Variants in INSL6 observed in about 807,000 individuals in gnomAD.
INSL6 encodes insulin like 6.
In INSL6, 16 loss-of-function variants were observed where a neutral mutation model predicts 9.4. That is an observed-to-expected ratio of 1.70 (90% CI 1.15 to 2.59). The LOEUF (loss-of-function observed/expected upper bound fraction) is 2.59, where lower values mean the gene tolerates loss of function less well. INSL6 is among the 30% of genes most tolerant of loss of function. The pLI is 0.00. For synonymous variants in INSL6, 154 were observed against 96.9 expected (o/e 1.59, Z -3.46); for missense variants, 391 against 257.3 (o/e 1.52, Z -3.56).
At chr9:4,996,549 A>G in the INSL6 span, among the ~76,000 whole-genome samples, 1 of 151,556 alleles carries the variant, frequency 6.6e-6, no homozygotes, top group Non-Finnish European at 1.5e-5. Context: ...TAAATACATG[A>G]GGTATTGTAG....
chr9:5,156,095 T>G (rs911511655), intron 2 of INSL6, among the ~76,000 whole-genome samples: 1 of 151,842 alleles, frequency 6.6e-6, no homozygotes, highest in Non-Finnish European at 1.5e-5. Context: ...TTTATGCCAA[T>G]AAATATGACT....
At chr9:5,077,595 C>G in the INSL6 span, 2 of 1,445,574 alleles carry the variant, frequency 1.4e-6, no homozygotes, top group East Asian at 2.7e-5. Flanking sequence ...GTAGTACAAC[C>G]TTTTTATCAA....
chr9:5,179,332 G>A (rs145106369), intron 1 of INSL6, among the ~76,000 whole-genome samples: 2 of 152,210 alleles, frequency 1.3e-5, no homozygotes, highest in African/African-American at 2.4e-5. Flanking sequence ...CAGTCAGAAT[G>A]GCTATTATTA....
At chr9:5,009,180 G>T in the INSL6 span, among the ~76,000 whole-genome samples, 17 of 152,198 alleles carry the variant, frequency 1.1e-4, no homozygotes, top group Non-Finnish European at 2.5e-4. Flanking sequence ...GAGCAAATTG[G>T]GTGGTCCGAG....
chr9:5,074,759 A>G, the INSL6 span, among the ~76,000 whole-genome samples: 1 of 152,242 alleles, frequency 6.6e-6, no homozygotes, highest in African/African-American at 2.4e-5. Flanking sequence ...GGAAAGCTAG[A>G]AATGAAGCAG....
At chr9:5,055,113 T>G in the INSL6 span, among the ~76,000 whole-genome samples, 1 of 152,014 alleles carries the variant, frequency 6.6e-6, no homozygotes, top group Non-Finnish European at 1.5e-5. Context: ...GACTATATTA[T>G]AGTTTCAGAA....
At chr9:5,084,888 T>C in the INSL6 span, 3 of 424,550 alleles carry the variant, frequency 7.1e-6, no homozygotes, top group Non-Finnish European at 1.4e-5. Context: ...AAGTTTGATA[T>C]CTTTTAAAAT....
intron 2 of INSL6, among the ~76,000 whole-genome samples, chr9:5,150,127 C>A (rs1177992848): frequency 1.3e-5 from 2 of 152,176 alleles, no homozygotes; most frequent in Non-Finnish European, 2.9e-5. Context: ...AATGTCAGAA[C>A]TGAAACTATA....
chr9:5,164,309 C>T (rs748534310), intron 1 of INSL6, 44 bp from the exon 2 acceptor site: 1 of 1,262,892 alleles, frequency 7.9e-7, no homozygotes, highest in South Asian at 1.3e-5. Context: ...TTAAAATCTT[C>T]CTTTAGATGA....
At chr9:5,163,533 C>G (rs1824972578), downstream of INSL6, among the ~76,000 whole-genome samples, 1 of 152,122 alleles carries the variant, frequency 6.6e-6, no homozygotes, top group Non-Finnish European at 1.5e-5. Flanking sequence ...GGGTCGACAT[C>G]TTGGAGTAAG....
the INSL6 span, among the ~76,000 whole-genome samples, chr9:5,031,938 G>C: frequency 1.3e-5 from 2 of 152,226 alleles, no homozygotes; most frequent in African/African-American, 4.8e-5. Context: ...AGCACACTGA[G>C]CATGAGCCGA....
chr9:5,014,343 CAT>C, the INSL6 span, among the ~76,000 whole-genome samples: 1 of 152,038 alleles, frequency 6.6e-6, no homozygotes, highest in Non-Finnish European at 1.5e-5. Flanking sequence ...TTAATCAACA[CAT>C]GTTGACCAGA....
At chr9:5,104,007 A>G in the INSL6 span, among the ~76,000 whole-genome samples, 1 of 152,216 alleles carries the variant, frequency 6.6e-6, no homozygotes, top group Non-Finnish European at 1.5e-5. Flanking sequence ...AATTAAAAGA[A>G]CTACAGAAGC....
At chr9:5,054,516 A>G in the INSL6 span, 4 of 1,439,270 alleles carry the variant, frequency 2.8e-6, no homozygotes, top group Admixed American at 6.7e-5. The surrounding 1 kb of genome is among the most constrained non-coding windows in gnomAD (Gnocchi z 4.9). Context: ...TTTATCTTCC[A>G]ATTTTTGTTT....
chr9:5,093,143 A>T, the INSL6 span, among the ~76,000 whole-genome samples: 1 of 152,214 alleles, frequency 6.6e-6, no homozygotes, highest in Non-Finnish European at 1.5e-5. Context: ...ATAAGACTGG[A>T]ATAACCCACT....
chr9:5,073,301 C>G, the INSL6 span, among the ~76,000 whole-genome samples: 1 of 152,200 alleles, frequency 6.6e-6, no homozygotes, highest in African/African-American at 2.4e-5. Context: ...GATATTTTAT[C>G]TGCACATTCT....
At chr9:5,014,977 A>C in the INSL6 span, among the ~76,000 whole-genome samples, 1 of 152,208 alleles carries the variant, frequency 6.6e-6, no homozygotes, top group African/African-American at 2.4e-5. Flanking sequence ...TATATGCCTA[A>C]ACAATGTACT....
the INSL6 span, among the ~76,000 whole-genome samples, chr9:5,045,825 A>C: frequency 1.3e-5 from 2 of 152,168 alleles, no homozygotes; most frequent in Non-Finnish European, 2.9e-5. Context: ...CTGTTGATGG[A>C]TACTTGGGTT....
At chr9:5,073,779 G>A in the INSL6 span, 1 of 1,600,978 alleles carries the variant, frequency 6.2e-7, no homozygotes, top group Non-Finnish European at 8.6e-7. Context: ...TGTCTGTGGA[G>A]ACGAGAGTAA....
Sources: gnomAD v4.1 joint callset for allele counts (sites outside exome capture counted in the v4.1 genomes callset) on GRCh38, gnomAD v4.1.1 for gene constraint, Gnocchi (gnomAD v3.1) non-coding constraint, MANE v1.5 for transcripts, NCBI Gene and HGNC (gene_info 2026-07-23, HGNC 2026-07-21) for gene names.